The following BCORL1 variants were observed in gnomAD, a reference collection of about 807,000 sequenced individuals.
BCORL1 encodes BCL-6 corepressor-like protein 1.
BCORL1 carries 7 observed loss-of-function variants against 87.6 expected under a neutral mutation model. That is an observed-to-expected ratio of 0.08 (90% CI 0.05 to 0.15). The LOEUF is 0.15. Among genes scored for constraint, BCORL1 ranks in the 10% least tolerant of loss-of-function variants. The pLI, the probability that BCORL1 is intolerant of heterozygous loss-of-function variation, is 1.00. For synonymous variants in BCORL1, 591 were observed against 634.4 expected (o/e 0.93, Z 1.03); for missense variants, 1,215 against 1,499.7 (o/e 0.81, Z 3.13).
chrX:130,030,337 A>C (rs1482473040), intron 8 of BCORL1, among the ~76,000 whole-genome samples: 1 of 111,757 alleles, frequency 8.9e-6, no homozygotes, highest in Non-Finnish European at 1.9e-5. Context: ...GGGAAAGAGC[A>C]GGGAACTCTG....
chrX:130,014,457 C>T lies in BCORL1; in HGVS notation c.1685C>T (p.Pro562Leu). ...GTTACTGCTTCTGCCAAGGTGCTTC[C>T]AACTCCACAGCCTCTGCTGCCAGCC... ...SLVTASAKVLPTPQPLLPAPS... is the reference protein window; with the variant it reads ...SLVTASAKVLLTPQPLLPAPS... Residue 562 changes from proline (P) to leucine (L), a missense_variant, in exon 4 of 14, where the codon CCA becomes CTA. Coordinates refer to ENST00000540052, the MANE Select transcript of BCORL1 (RefSeq NM_001379451.1). 1 of 1,211,589 alleles carries T rather than the reference C, an allele frequency of 8.3e-7. No individual in the cohort carries two copies. The highest frequency in any genetic ancestry group is 1.1e-6 in the Non-Finnish European group (1 of 895,456).
intron 2 of BCORL1, among the ~76,000 whole-genome samples, chrX:130,010,155 G>A (rs1304013678): frequency 1.8e-5 from 2 of 111,076 alleles, no homozygotes; most frequent in Non-Finnish European, 3.8e-5. Context: ...TTCAGGCAGG[G>A]TGGGAGCTTG....
At position 130,021,089 on chromosome X, in the gene BCORL1, C is replaced by T; in HGVS notation, c.3546C>T (p.His1182=). 5 of 1,202,400 alleles carry T rather than the reference C, an allele frequency of 4.2e-6. No individual in the cohort carries two copies. The East Asian group carries it at 1.2e-4, about 29-fold the overall frequency. ...ATGGAGTCAGGGGAAAGCACAAGCA[C>T]CGGAAGCCGACAAAGCCGGAGTCCC... ...EHNGVRGKHK[H]RKPTKPESQS... The change falls in exon 5 of 14, where the codon CAC becomes CAT. Residue 1182 remains histidine, a synonymous_variant. Transcript: ENST00000540052.
intron 1 of BCORL1, among the ~76,000 whole-genome samples, chrX:129,993,413 C>T (rs1038135683): frequency 5.3e-5 from 6 of 112,604 alleles, no homozygotes; most frequent in East Asian, 2.8e-4. Flanking sequence ...AGGCCAGGCA[C>T]GCTGGCTCAC....
chrX:130,027,364 G>A (rs747846979), intron 7 of BCORL1, among the ~76,000 whole-genome samples: 5 of 112,865 alleles, frequency 4.4e-5, no homozygotes, highest in South Asian at 7.2e-4. Context: ...CCCCACTAGC[G>A]GGCTGAGGCT....
chrX:130,024,973 G>T lies in BCORL1; in HGVS notation c.3689-17G>T. On this transcript the variant is annotated splice_polypyrimidine_tract_variant and intron_variant, in intron 6 of 13. Transcript: ENST00000540052. ...TTGAAGAAGTACCTGACCATCCTCTGTACATCCCATCCACAGGAAGCATCT... is the reference window on the plus strand; with the variant it reads ...TTGAAGAAGTACCTGACCATCCTCTTTACATCCCATCCACAGGAAGCATCT... The T allele has an allele frequency of 8.3e-7, 1 of 1,206,999 alleles. No homozygotes were observed. Among genetic ancestry groups the T allele is most frequent in the Non-Finnish European group, 1.1e-6 (1 of 892,858 alleles).
At chrX:129,996,680 G>A (rs1011097959) in intron 1 of BCORL1, among the ~76,000 whole-genome samples, 1 of 111,649 alleles carries the variant, frequency 9.0e-6, no homozygotes, top group Non-Finnish European at 1.9e-5. Flanking sequence ...GTACGGTGGC[G>A]TGATCTTAGC....
Position 130,056,256 on chromosome X carries a change from G to T in BCORL1, c.*120G>T. 1 of 793,731 alleles carries T rather than the reference G, an allele frequency of 1.3e-6. No individual in the cohort carries two copies. Among genetic ancestry groups the T allele is most frequent in the Non-Finnish European group, 1.7e-6 (1 of 577,171 alleles). 65.4% of individuals were successfully genotyped at this position (793,731 alleles called of 1,213,427 possible). On this transcript the variant is annotated 3_prime_UTR_variant, in exon 14 of 14. Transcript: ENST00000540052. ...AGGCAATAATACGGACCAACAAGAA[G>T]CCGCCTTATCAATGCCAGCATTAGC...
At chrX:130,055,833 C>T in intron 13 of BCORL1, 21 bp from the exon 14 acceptor site, 1 of 1,187,107 alleles carries the variant, frequency 8.4e-7, no homozygotes, top group Non-Finnish European at 1.1e-6. Context: ...CCTTCAATAA[C>T]TCCCATCCTT....
At position 130,043,746 on chromosome X, in the gene BCORL1, TTATATATATATATATATATATATATA is replaced by T. The variant is rs55637661; in HGVS notation, c.4840+4478_4840+4503del. Among the ~76,000 whole-genome samples the T allele has an allele frequency of 5.2e-3, 90 of 17,474 alleles. 5 individuals are homozygous for T. The highest frequency in any genetic ancestry group is 0.031 in the Middle Eastern group (1 of 32). The allele number at this position is 17,474 out of a possible 115,157, so 15.2% of individuals were successfully genotyped here. A position where few individuals can be genotyped will look rare whatever the true frequency, so the allele number is the denominator to read the frequency against. On this transcript the variant is annotated intron_variant, in intron 11 of 13. Transcript: ENST00000540052. The stretch of plus-strand genomic sequence containing the variant: ...CCCGCCACCATGCCCAGCTAATTTG[TTATATATATATATATATATATATATA>T]TATATATATATATTTTTTTTTTTTT...
chrX:130,046,607 C>T (rs113661566), intron 11 of BCORL1, among the ~76,000 whole-genome samples: 1,651 of 109,839 alleles, frequency 0.015, 21 homozygotes, highest in Non-Finnish European at 0.024. Context: ...ACTGCAGTGG[C>T]GCGATCTGGG....
At chrX:130,007,699 G>A (rs1001032626) in intron 2 of BCORL1, among the ~76,000 whole-genome samples, 5 of 112,529 alleles carry the variant, frequency 4.4e-5, no homozygotes, top group Non-Finnish European at 9.4e-5. Context: ...TGGGGAGACT[G>A]AGGCAAGACA....
chrX:130,004,029 A>G (rs1928275682), intron 1 of BCORL1, among the ~76,000 whole-genome samples: 1 of 111,876 alleles, frequency 8.9e-6, no homozygotes, highest in Non-Finnish European at 1.9e-5. Context: ...ACTTCAATGA[A>G]TAAGGATTTT....
In BCORL1 at chrX:130,014,800, C is replaced by T; in HGVS notation, c.2028C>T (p.Val676=). 1.7e-6 allele frequency: 2 copies of T among 1,211,608 alleles called. No homozygotes were observed. The highest frequency in any genetic ancestry group is 2.2e-6 in the Non-Finnish European group (2 of 895,409). The stretch of plus-strand genomic sequence containing the variant: ...CAACCCAGGCTGCCGGTGGCAATGT[C>T]ACCTCCTGCCTGGGCTCCACTTCCT... ...QRTTQAAGGN[V]TSCLGSTSSP... is the part of the protein sequence containing the mutation. The change falls in exon 4 of 14, where the codon GTC becomes GTT. Residue 676 remains valine, a synonymous_variant. Transcript: ENST00000540052.
In BCORL1 at chrX:130,057,548, C is replaced by T. The variant is rs778674051; in HGVS notation, c.*1412C>T. The T allele has an allele frequency of 2.7e-5, 3 of 110,556 alleles. No homozygotes were observed. The highest frequency in any genetic ancestry group is 3.8e-5 in the Non-Finnish European group (2 of 52,869). 9.1% of individuals were successfully genotyped at this position (110,556 alleles called of 1,213,427 possible). ...GTACCATCCAAAGGCAGGAGGGCCT[C>T]GCCGTGGCCGGCTCTGGTTGGAGAT... On this transcript the variant is annotated 3_prime_UTR_variant, in exon 14 of 14. Transcript: ENST00000540052.
intron 13 of BCORL1, 110 bp downstream of exon 13, chrX:130,052,126 A>G (rs1932112770): frequency 1.2e-6 from 1 of 826,703 alleles, no homozygotes; most frequent in South Asian, 3.0e-5. Context: ...GCCATCACAC[A>G]TGACAAAGGC....
intron 11 of BCORL1, among the ~76,000 whole-genome samples, chrX:130,046,708 G>A (rs957072999): frequency 6.3e-5 from 7 of 110,944 alleles, no homozygotes; most frequent in Middle Eastern, 9.3e-3. Flanking sequence ...CACCACACCC[G>A]GCTAATTTTT....
intron 1 of BCORL1, among the ~76,000 whole-genome samples, chrX:130,003,374 C>CTTCTTCTTCTTT (rs59660230): frequency 1.1e-5 from 1 of 91,516 alleles, no homozygotes; most frequent in African/African-American, 4.3e-5. Context: ...TCTTCTTCTT[C>CTTCTTCTTCTTT]TTTTTTTTTT....
intron 1 of BCORL1, among the ~76,000 whole-genome samples, chrX:130,000,190 C>T (rs1927936486): frequency 9.1e-6 from 1 of 109,457 alleles, no homozygotes; most frequent in Non-Finnish European, 1.9e-5. Context: ...GGAATACAGG[C>T]ACCCGCCACC....
Sources: allele counts gnomAD v4.1 joint callset (sites outside exome capture counted in the v4.1 genomes callset), GRCh38; gene constraint gnomAD v4.1.1; transcripts MANE v1.5; gene names NCBI Gene and HGNC (gene_info 2026-07-23, HGNC 2026-07-21).